Variants in TAGAP observed in about 807,000 individuals in gnomAD.
TAGAP encodes the protein T-cell activation Rho GTPase-activating protein.
A neutral mutation model predicts 36.0 loss-of-function variants in TAGAP; 16 were observed. The observed-to-expected ratio is 0.44, with a 90% CI of 0.30 to 0.68. The LOEUF (loss-of-function observed/expected upper bound fraction) is 0.68, where lower values mean the gene tolerates loss of function less well. Ranked by LOEUF, TAGAP falls within the 30% of genes least tolerant of loss-of-function variation. The pLI is 0.09. For synonymous variants in TAGAP, 372 were observed against 377.4 expected (o/e 0.99, Z 0.17); for missense variants, 794 against 921.5 (o/e 0.86, Z 1.79).
chr6:159,035,903 T>A lies in TAGAP; in HGVS notation c.2120A>T (p.Asp707Val). 6.2e-7 allele frequency: 1 copy of A among 1,614,000 alleles called. No individual in the cohort carries two copies. The highest frequency in any genetic ancestry group is 8.5e-7 in the Non-Finnish European group (1 of 1,179,866). The change falls in exon 10 of 10, where the codon GAC (aspartate) becomes GTC (valine). Residue 707 changes from aspartate (D) to valine (V), a missense_variant. By Grantham distance (152) the Asp-to-Val change is radical. Coordinates refer to ENST00000367066, the MANE Select transcript of TAGAP (RefSeq NM_054114.5). ...CTGGCTACATCGTCGCACGAGACAG[T>A]CCCGCTTATTCCTCTGCACGGACTC... ...VSESVQRNKR[D>V]CLVRRCSQPV...
intron 3 of TAGAP, 33 bp from the exon 4 acceptor site, chr6:159,043,688 G>T (rs1779837025): frequency 1.3e-5 from 20 of 1,581,944 alleles, no homozygotes; most frequent in South Asian, 2.2e-5. Context: ...TAAATATAGT[G>T]ACTGAAGAAA....
chr6:159,040,706 T>C lies in TAGAP; in HGVS notation c.587+17A>G, dbSNP rs1299641455. 6.2e-7 allele frequency: 1 copy of C among 1,605,960 alleles called. No individual in the cohort carries two copies. Among genetic ancestry groups the C allele is most frequent in the South Asian group, 1.1e-5 (1 of 90,796 alleles). On this transcript the variant is annotated intron_variant, in intron 7 of 9. Transcript: ENST00000367066. Reference sequence around the variant, plus strand: ...GGTGATGTGGCCTGGCAATGACCGATGACTTTGATGACTTACTGTTTCAGG... The same window carrying C: ...GGTGATGTGGCCTGGCAATGACCGACGACTTTGATGACTTACTGTTTCAGG...
Position 159,038,248 on chromosome 6 carries a change from A to C in TAGAP, c.784-20T>G. 8.6e-7 allele frequency: 1 copy of C among 1,168,218 alleles called. No individual in the cohort carries two copies. The highest frequency in any genetic ancestry group is 1.3e-6 in the Non-Finnish European group (1 of 795,462). The allele number at this position is 1,168,218 out of a possible 1,614,324, so 72.4% of individuals were successfully genotyped here. On this transcript the variant is annotated intron_variant, in intron 8 of 9. Coordinates refer to ENST00000367066, the MANE Select transcript of TAGAP (RefSeq NM_054114.5). ...CTTCACCTGTGAGGAAAAGTAAGCA[A>C]TTTGTCAGCTTGAAGACTTTTTTTT...
intron 8 of TAGAP, 126 bp from the exon 9 acceptor site, chr6:159,038,354 T>C: frequency 1.7e-6 from 1 of 590,510 alleles, no homozygotes; most frequent in Non-Finnish European, 3.0e-6. Context: ...TCTTTATGTG[T>C]CTGAAAAGAG....
At chr6:159,038,979 A>C in intron 8 of TAGAP, 135 bp downstream of exon 8, 1 of 1,526,082 alleles carries the variant, frequency 6.6e-7, no homozygotes, top group Non-Finnish European at 8.8e-7. Context: ...ACTATGACAA[A>C]AGCATTTTGC....
chr6:159,038,515 A>G (rs914272894), intron 8 of TAGAP, among the ~76,000 whole-genome samples: 30 of 151,426 alleles, frequency 2.0e-4, no homozygotes, highest in African/African-American at 7.3e-4. Flanking sequence ...CAGCCTTCCG[A>G]GCAGCTGGGA....
chr6:159,041,041 A>G lies in TAGAP; in HGVS notation c.478-209T>C, dbSNP rs1779728779. ...ACTTTCTAACATCAGGCAGAGTCAGAGGCACCATCCCCAGGTGGGTGTGTT... is the reference window on the plus strand; with the variant it reads ...ACTTTCTAACATCAGGCAGAGTCAGGGGCACCATCCCCAGGTGGGTGTGTT... On this transcript the variant is annotated intron_variant, in intron 6 of 9. Transcript: ENST00000367066. The surrounding 1 kb of genome is among the most constrained non-coding windows in gnomAD (Gnocchi z 4.1). The G allele has an allele frequency of 1.7e-6, 1 of 584,290 alleles. No individual in the cohort carries two copies. 36.2% of individuals were successfully genotyped at this position (584,290 alleles called of 1,614,324 possible). A position where few individuals can be genotyped will look rare whatever the true frequency, so the allele number is the denominator to read the frequency against.
intron 4 of TAGAP, 177 bp from the exon 5 acceptor site, chr6:159,042,421 C>T (rs1779789819): frequency 3.6e-6 from 5 of 1,378,108 alleles, no homozygotes; most frequent in Non-Finnish European, 1.9e-6. Context: ...CTAGAAAAAC[C>T]AACCGATAAA....
intron 4 of TAGAP, 146 bp from the exon 5 acceptor site, chr6:159,042,390 G>A (rs889877186): frequency 7.0e-7 from 1 of 1,438,232 alleles, no homozygotes; most frequent in Non-Finnish European, 9.1e-7. Context: ...ACTTGAGAAA[G>A]CAAAGGGCGT....
At position 159,036,020 on chromosome 6, in the gene TAGAP, T is replaced by G. The variant is rs745819016; in HGVS notation, c.2003A>C (p.Lys668Thr). The G allele has an allele frequency of 6.2e-7, 1 of 1,611,962 alleles. No individual in the cohort carries two copies. Among genetic ancestry groups the G allele is most frequent in the East Asian group, 2.2e-5 (1 of 44,798 alleles). ...HGLSPLPERW[K>T]QSRTVHASGD... is the part of the protein sequence containing the mutation. ...AGAAGCATGGACAGTTCTGCTCTGTTTCCATCGCTCAGGCAGGGGAGAGAG... is the reference window on the plus strand; with the variant it reads ...AGAAGCATGGACAGTTCTGCTCTGTGTCCATCGCTCAGGCAGGGGAGAGAG... Residue 668 changes from lysine (K) to threonine (T), a missense_variant, in exon 10 of 10, where the codon AAA (lysine) becomes ACA (threonine). Coordinates refer to ENST00000367066, the MANE Select transcript of TAGAP (RefSeq NM_054114.5). This position sits in a 1 kb window ranked among gnomAD's most constrained non-coding sequence, Gnocchi z 4.9.
chr6:159,042,195 C>T lies in TAGAP; in HGVS notation c.198G>A (p.Arg66=). 2.5e-6 allele frequency: 4 copies of T among 1,614,140 alleles called. No homozygotes were observed. Among genetic ancestry groups the T allele is most frequent in the Non-Finnish European group, 2.5e-6 (3 of 1,180,024 alleles). The change falls in exon 5 of 10, where the codon AGG becomes AGA. Residue 66 remains arginine, a synonymous_variant. Transcript: ENST00000367066. The part of the protein sequence containing the change: ...KVLSWPFLMR[R]LSPASDFSGA... ...CAGAAAAATCTGATGCAGGGGAGAG[C>T]CTTCTCATGAGAAAGGGCCAGGACA...
At position 159,043,994 on chromosome 6, in the gene TAGAP, A is replaced by T; in HGVS notation, c.65T>A (p.Ile22Asn). The T allele has an allele frequency of 6.2e-7, 1 of 1,613,816 alleles. No individual in the cohort carries two copies. The highest frequency in any genetic ancestry group is 8.5e-7 in the Non-Finnish European group (1 of 1,179,846). Residue 22 changes from isoleucine to asparagine, a missense_variant, in exon 3 of 10, where the codon ATC (isoleucine) becomes AAC (asparagine). Coordinates refer to ENST00000367066, the MANE Select transcript of TAGAP (RefSeq NM_054114.5). ...CTTTCTTACCTCTGATTGACATTCG[A>T]TTAGTGTCTCCATATTATTGGCGTT... ...TLNANNMETLIECQSEGDIKE... is the reference protein window; with the variant it reads ...TLNANNMETLNECQSEGDIKE...
rs572000080 is a variant in TAGAP, at chr6:159,040,686, T to C, written c.587+37A>G. The C allele has an allele frequency of 1.1e-5, 16 of 1,509,486 alleles. No homozygotes were observed. In the African/African-American group the frequency reaches 1.4e-4, roughly 13 times the overall value. The allele number at this position is 1,509,486 out of a possible 1,614,324, so 93.5% of individuals were successfully genotyped here. A position where few individuals can be genotyped will look rare whatever the true frequency, so the allele number is the denominator to read the frequency against. On this transcript the variant is annotated intron_variant, in intron 7 of 9. Coordinates refer to ENST00000367066, the MANE Select transcript of TAGAP (RefSeq NM_054114.5). Reference sequence around the variant, plus strand: ...GTAAAGAATCAAAAGACGGAGGTGATGTGGCCTGGCAATGACCGATGACTT... The same window carrying C: ...GTAAAGAATCAAAAGACGGAGGTGACGTGGCCTGGCAATGACCGATGACTT...
intron 8 of TAGAP, among the ~76,000 whole-genome samples, chr6:159,038,506 A>G (rs1435714465): frequency 6.6e-6 from 1 of 151,526 alleles, no homozygotes; most frequent in Non-Finnish European, 1.5e-5. Context: ...CTCCCGCCTC[A>G]GCCTTCCGAG....
Position 159,037,534 on chromosome 6 carries a change from C to T in TAGAP, c.899-410G>A, listed in dbSNP as rs774278515. Among the ~76,000 whole-genome samples the T allele has an allele frequency of 6.6e-6, 1 of 152,196 alleles. No homozygotes were observed. Among genetic ancestry groups the T allele is most frequent in the Non-Finnish European group, 1.5e-5 (1 of 68,032 alleles). Reference sequence around the variant, plus strand: ...GAACTTTGCTACAGTTCGCCCTGCTCATACCAATCAGGGCACTAGGTGATT... The same window carrying T: ...GAACTTTGCTACAGTTCGCCCTGCTTATACCAATCAGGGCACTAGGTGATT... On this transcript the variant is annotated intron_variant, in intron 9 of 9. Coordinates refer to ENST00000367066, the MANE Select transcript of TAGAP (RefSeq NM_054114.5). The surrounding 1 kb of genome is among the most constrained non-coding windows in gnomAD (Gnocchi z 5.1).
chr6:159,043,651 T>C lies in TAGAP; in HGVS notation c.86A>G (p.Asp29Gly). The change falls in exon 4 of 10, where the codon GAT (aspartate) becomes GGT (glycine). Residue 29 changes from aspartate to glycine, a missense_variant. Transcript: ENST00000367066. ...ETLIECQSEG[D>G]IKEHPLLASC... ...TGCCAACAGGGGATGTTCCTTGATA[T>C]CACCCTAAAAACATTTTTATTTCAG... 6.2e-7 allele frequency: 1 copy of C among 1,614,014 alleles called. No individual in the cohort carries two copies. Among genetic ancestry groups the C allele is most frequent in the South Asian group, 1.1e-5 (1 of 91,070 alleles).
At chr6:159,043,905 T>C (rs1779844459) in intron 3 of TAGAP, 73 bp downstream of exon 3, 1 of 1,370,142 alleles carries the variant, frequency 7.3e-7, no homozygotes, top group Admixed American at 1.9e-5. Context: ...TCAACCCAAA[T>C]AATATTCAAT....
Position 159,037,080 on chromosome 6 carries a change from G to C in TAGAP, c.943C>G (p.Pro315Ala), listed in dbSNP as rs146522698. The C allele has an allele frequency of 1.2e-6, 2 of 1,612,362 alleles. No homozygotes were observed. The highest frequency in any genetic ancestry group is 1.7e-6 in the Non-Finnish European group (2 of 1,180,018). The change falls in exon 10 of 10, where the codon CCT (proline) becomes GCT (alanine). Residue 315 changes from proline (P) to alanine (A), a missense_variant. Transcript: ENST00000367066. The surrounding 1 kb of genome is among the most constrained non-coding windows in gnomAD (Gnocchi z 5.1). ...QNDSAYDSND[P>A]DVESNSSSGI... ...CTGCTGCTGTTGGATTCCACATCAG[G>C]GTCGTTGCTGTCGTAGGCTGAGTCA...
chr6:159,035,869 A>G lies in TAGAP; in HGVS notation c.2154T>C (p.Phe718=). The change falls in exon 10 of 10, where the codon TTT becomes TTC. Residue 718 remains phenylalanine (F), a synonymous_variant. Transcript: ENST00000367066. Reference sequence around the variant, plus strand: ...TGGCATATTGGAATTGGTCAGCCTCAAAGACCGGCTGGCTACATCGTCGCA... The same window carrying G: ...TGGCATATTGGAATTGGTCAGCCTCGAAGACCGGCTGGCTACATCGTCGCA... ...CLVRRCSQPV[F]EADQFQYAKE... 1 of 1,608,422 alleles carries G rather than the reference A, an allele frequency of 6.2e-7. No individual in the cohort carries two copies. The highest frequency in any genetic ancestry group is 1.1e-5 in the South Asian group (1 of 90,956).
Sources: gnomAD v4.1 joint callset for allele counts (sites outside exome capture counted in the v4.1 genomes callset) on GRCh38, gnomAD v4.1.1 for gene constraint, Gnocchi (gnomAD v3.1) non-coding constraint, MANE v1.5 for transcripts, NCBI Gene and HGNC (gene_info 2026-07-23, HGNC 2026-07-21) for gene names.